Variants in RBMS3 observed in about 807,000 individuals in gnomAD.
RBMS3 encodes the protein RNA-binding motif, single-stranded-interacting protein 3.
A neutral mutation model predicts 66.8 loss-of-function variants in RBMS3; 27 were observed. The observed-to-expected ratio is 0.40, with a 90% CI of 0.30 to 0.56. The LOEUF (loss-of-function observed/expected upper bound fraction) is 0.56, where lower values mean the gene tolerates loss of function less well. Among genes scored for constraint, RBMS3 ranks in the 20% least tolerant of loss-of-function variants. RBMS3 has a pLI of 0.40. For synonymous variants in RBMS3, 188 were observed against 183.0 expected (o/e 1.03, Z -0.22); for missense variants, 513 against 549.5 (o/e 0.93, Z 0.66).
chr3:29,533,130 C>T (rs1206518346), intron 3 of RBMS3, among the ~76,000 whole-genome samples: 1 of 152,078 alleles, frequency 6.6e-6, no homozygotes, highest in Admixed American at 6.5e-5. Context: ...ATAGAAATTT[C>T]TTCTTTCCAG....
chr3:29,599,353 T>C (rs953421835), intron 4 of RBMS3, among the ~76,000 whole-genome samples: 1 of 151,398 alleles, frequency 6.6e-6, no homozygotes, highest in Non-Finnish European at 1.5e-5. Flanking sequence ...CAGTATCTCA[T>C]GTTCTCTGTA....
At chr3:29,613,114 T>G (rs2048547676) in intron 4 of RBMS3, among the ~76,000 whole-genome samples, 1 of 151,970 alleles carries the variant, frequency 6.6e-6, no homozygotes, top group East Asian at 1.9e-4. Flanking sequence ...CTTGAAATAC[T>G]TAATAATTTT....
At chr3:29,959,987 A>G (rs1055992606) in intron 12 of RBMS3, among the ~76,000 whole-genome samples, 1 of 152,126 alleles carries the variant, frequency 6.6e-6, no homozygotes. Context: ...CCCAAATCTC[A>G]TGTCCTTACC....
At chr3:29,637,657 C>T (rs2049524199) in intron 4 of RBMS3, among the ~76,000 whole-genome samples, 1 of 151,842 alleles carries the variant, frequency 6.6e-6, no homozygotes. Context: ...CATGTACAGG[C>T]AGCTTAATGG....
intron 3 of RBMS3, among the ~76,000 whole-genome samples, chr3:29,556,674 C>T (rs1410296658): frequency 6.6e-6 from 1 of 152,100 alleles, no homozygotes; most frequent in African/African-American, 2.4e-5. Flanking sequence ...TGCACAGATC[C>T]CCTTGAACAA....
intron 4 of RBMS3, among the ~76,000 whole-genome samples, chr3:29,658,662 T>C (rs972134913): frequency 2.6e-5 from 4 of 152,242 alleles, no homozygotes; most frequent in Non-Finnish European, 4.4e-5. Flanking sequence ...AAAGAAGTTA[T>C]CCAAATTCTC....
In RBMS3 at chr3:29,998,497, G is replaced by A. The variant is rs1019154132; in HGVS notation, c.1308-5359G>A. The stretch of plus-strand genomic sequence containing the variant: ...AAAAGAACAAAGCTGGAGGCATCAC[G>A]CTACCTGACTTCAAACTATACTACA... On this transcript the variant is annotated intron_variant, in intron 14 of 14. Coordinates refer to ENST00000383767, the MANE Select transcript of RBMS3 (RefSeq NM_001003793.3). 4.9e-3 allele frequency among the ~76,000 whole-genome samples: 740 copies of A among 152,160 alleles called. 4 individuals carry two copies. Among genetic ancestry groups the A allele is most frequent in the African/African-American group, 0.015 (620 of 41,516 alleles).
chr3:29,945,221 G>A (rs1695223999), intron 12 of RBMS3, among the ~76,000 whole-genome samples: 1 of 151,652 alleles, frequency 6.6e-6, no homozygotes. Flanking sequence ...AGACCCCATG[G>A]AGCAGTTGAA....
chr3:29,778,386 C>T (rs2056498888), intron 6 of RBMS3, among the ~76,000 whole-genome samples: 1 of 151,374 alleles, frequency 6.6e-6, no homozygotes, highest in African/African-American at 2.4e-5. Context: ...TAGTTAGAGC[C>T]AGGAAATGTT....
At chr3:29,858,377 T>C (rs1204087243) in intron 6 of RBMS3, among the ~76,000 whole-genome samples, 1 of 152,180 alleles carries the variant, frequency 6.6e-6, no homozygotes, top group African/African-American at 2.4e-5. Context: ...TGCAATACTC[T>C]GGAGCCAAGG....
At chr3:29,303,456 C>G (rs963717496) in intron 1 of RBMS3, among the ~76,000 whole-genome samples, 25 of 152,008 alleles carry the variant, frequency 1.6e-4, no homozygotes, top group Admixed American at 1.2e-3. Flanking sequence ...TAGGCCCCTT[C>G]CTTACTTTAA....
chr3:29,505,506 G>GTTTTTTTTTTT (rs749285833), intron 3 of RBMS3, among the ~76,000 whole-genome samples: 3 of 107,296 alleles, frequency 2.8e-5, no homozygotes, highest in African/African-American at 7.1e-5. Flanking sequence ...CTTCAATTTT[G>GTTTTTTTTTTT]TTTTTTTTTT....
At chr3:29,340,239 G>A (rs62241723) in intron 1 of RBMS3, among the ~76,000 whole-genome samples, 33,106 of 152,022 alleles carry the variant, frequency 0.22, 4,554 homozygotes, top group Non-Finnish European at 0.3. Context: ...TATTTCAGAG[G>A]TGGTAGCAAA....
At chr3:29,679,106 A>G (rs1212233338) in intron 4 of RBMS3, among the ~76,000 whole-genome samples, 1 of 152,112 alleles carries the variant, frequency 6.6e-6, no homozygotes, top group Non-Finnish European at 1.5e-5. Flanking sequence ...CATGGGCACC[A>G]CCTAGACCTG....
At chr3:29,471,692 A>G (rs1458504419) in intron 2 of RBMS3, among the ~76,000 whole-genome samples, 1 of 149,936 alleles carries the variant, frequency 6.7e-6, no homozygotes, top group Non-Finnish European at 1.5e-5. Flanking sequence ...TTATTGCTGT[A>G]ATGAATTTTA....
At chr3:29,532,046 C>T (rs1222626337) in intron 3 of RBMS3, among the ~76,000 whole-genome samples, 1 of 151,758 alleles carries the variant, frequency 6.6e-6, no homozygotes, top group Non-Finnish European at 1.5e-5. Context: ...AGCATAGTGC[C>T]TGATAACATT....
At chr3:29,887,893 C>T (rs182099381) in intron 8 of RBMS3, among the ~76,000 whole-genome samples, 11 of 151,670 alleles carry the variant, frequency 7.3e-5, no homozygotes, top group Admixed American at 1.3e-4. Context: ...TGTTACAAAT[C>T]GACATAGAAA....
At chr3:29,304,041 C>T (rs34574066) in intron 1 of RBMS3, among the ~76,000 whole-genome samples, 16,553 of 151,976 alleles carry the variant, frequency 0.11, 1,038 homozygotes, top group Admixed American at 0.21. Context: ...CCCACCAGGT[C>T]CCTCCCACAA....
rs777463375 is a variant in RBMS3, at chr3:29,420,947, G to GCAAA, written c.76-13796_76-13795insCAAA. Among the ~76,000 whole-genome samples the GCAAA allele has an allele frequency of 5.8e-3, 722 of 125,464 alleles. 7 individuals carry two copies. The highest frequency in any genetic ancestry group is 0.024 in the South Asian group (93 of 3,866). The allele number at this position is 125,464 out of a possible 152,430, so 82.3% of individuals were successfully genotyped here. ...GTGAAACCCCGTCTCTACTAAAAAT[G>GCAAA]AAAAAAAAAAAAAAAATTAACTGGG... On this transcript the variant is annotated intron_variant, in intron 1 of 14. Transcript: ENST00000383767.
Sources: gnomAD v4.1 joint callset for allele counts (sites outside exome capture counted in the v4.1 genomes callset) on GRCh38, gnomAD v4.1.1 for gene constraint, MANE v1.5 for transcripts, NCBI Gene and HGNC (gene_info 2026-07-23, HGNC 2026-07-21) for gene names.